CLPX: variants seen among roughly 807,000 people sequenced by gnomAD.
CLPX encodes the protein caseinolytic mitochondrial matrix peptidase chaperone subunit X.
In CLPX, 34 loss-of-function variants were observed where a neutral mutation model predicts 76.4. That is an observed-to-expected ratio of 0.45 (90% CI 0.34 to 0.59). CLPX has a LOEUF of 0.59. Among genes scored for constraint, CLPX ranks in the 20% least tolerant of loss-of-function variants. CLPX has a pLI of 0.01. For missense variants in CLPX, 613 were observed against 757.0 expected, an observed-to-expected ratio of 0.81 and a Z score of 2.23; for synonymous variants, 248 against 270.9, an observed-to-expected ratio of 0.92 and a Z score of 0.83.
intron 3 of CLPX, 103 bp downstream of exon 3, chr15:65,178,831 C>A (rs2088124037): frequency 1.7e-6 from 1 of 589,758 alleles, no homozygotes; most frequent in Admixed American, 2.8e-5. Flanking sequence ...CCGTTTGCAC[C>A]TGGCCTATAT....
intron 6 of CLPX, among the ~76,000 whole-genome samples, chr15:65,160,211 A>C (rs1258471997): frequency 1.3e-5 from 2 of 152,246 alleles, no homozygotes; most frequent in Non-Finnish European, 2.9e-5. Context: ...CATATCTATT[A>C]TCATAGTCCT....
chr15:65,167,845 G>A (rs866564244), intron 3 of CLPX, among the ~76,000 whole-genome samples: 34 of 150,954 alleles, frequency 2.3e-4, no homozygotes, highest in Middle Eastern at 3.4e-3. Context: ...CTGAGATTGC[G>A]CCATTGCACT....
intron 3 of CLPX, among the ~76,000 whole-genome samples, chr15:65,173,898 T>C (rs951062735): frequency 1.3e-5 from 2 of 152,190 alleles, no homozygotes; most frequent in Admixed American, 1.3e-4. Flanking sequence ...GACTAAGGGC[T>C]ATGGAGTTTC....
chr15:65,177,285 T>C (rs1239098848), intron 3 of CLPX, among the ~76,000 whole-genome samples: 1 of 152,114 alleles, frequency 6.6e-6, no homozygotes, highest in Non-Finnish European at 1.5e-5. Context: ...AGCAGGCTGG[T>C]CTCAAGCTCC....
At chr15:65,168,071 G>A (rs1249018276) in intron 3 of CLPX, among the ~76,000 whole-genome samples, 2 of 151,600 alleles carry the variant, frequency 1.3e-5, no homozygotes, top group African/African-American at 4.8e-5. Flanking sequence ...TTTAAAGTGA[G>A]GATAAAAAGA....
intron 13 of CLPX, among the ~76,000 whole-genome samples, chr15:65,151,456 G>GAAAAAAAAAAA (rs529752332): frequency 2.7e-5 from 2 of 74,596 alleles, no homozygotes; most frequent in Non-Finnish European, 4.8e-5. Flanking sequence ...ATTACTGGGA[G>GAAAAAAAAAAA]AAAAAAAAAA....
Position 65,185,241 on chromosome 15 carries a change from G to T in CLPX, c.-88C>A. 1 of 1,139,942 alleles carries T rather than the reference G, an allele frequency of 8.8e-7. No homozygotes were observed. Among genetic ancestry groups the T allele is most frequent in the Non-Finnish European group, 1.3e-6 (1 of 789,480 alleles). 70.6% of individuals were successfully genotyped at this position (1,139,942 alleles called of 1,614,324 possible). Reference sequence around the variant, plus strand: ...CCTGCCCGCAAGGCGCGCTGACTCGGTTCCGAACCCTTTCGCGGGCCCTAG... The same window carrying T: ...CCTGCCCGCAAGGCGCGCTGACTCGTTTCCGAACCCTTTCGCGGGCCCTAG... On this transcript the variant is annotated 5_prime_UTR_variant, in exon 1 of 14. Transcript: ENST00000300107.
At chr15:65,170,815 TG>T (rs1380666753) in intron 3 of CLPX, among the ~76,000 whole-genome samples, 11 of 116,376 alleles carry the variant, frequency 9.5e-5, no homozygotes, top group Non-Finnish European at 1.8e-4. Flanking sequence ...CTTGTGTTTC[TG>T]TTCTTCTTTT....
chr15:65,178,043 C>T (rs569691797), intron 3 of CLPX, among the ~76,000 whole-genome samples: 21 of 152,286 alleles, frequency 1.4e-4, no homozygotes, highest in African/African-American at 4.8e-4. Flanking sequence ...CTCTGCCTAC[C>T]TCAGCCTCTG....
At chr15:65,182,934 G>GGACGGATCACAAGATCAGGAGATC (rs1390478863) in intron 1 of CLPX, among the ~76,000 whole-genome samples, 1 of 151,792 alleles carries the variant, frequency 6.6e-6, no homozygotes. Context: ...AGGCCAAGGC[G>GGACGGATCACAAGATCAGGAGATC]GGTGATCTCC....
intron 6 of CLPX, among the ~76,000 whole-genome samples, chr15:65,159,561 G>A (rs1474607109): frequency 6.6e-6 from 1 of 151,982 alleles, no homozygotes; most frequent in South Asian, 2.1e-4. Flanking sequence ...AGTGAGCCAA[G>A]ATCACGCCAC....
intron 3 of CLPX, among the ~76,000 whole-genome samples, chr15:65,172,476 C>T (rs1377030763): frequency 6.6e-6 from 1 of 151,682 alleles, no homozygotes; most frequent in Non-Finnish European, 1.5e-5. Flanking sequence ...ACTAAAAATA[C>T]AAAAAAATTA....
At chr15:65,151,316 G>GTC (rs2087716630) in intron 13 of CLPX, among the ~76,000 whole-genome samples, 1 of 128,978 alleles carries the variant, frequency 7.8e-6, no homozygotes, top group Non-Finnish European at 1.5e-5. Context: ...CTGCACTCCA[G>GTC]TCTGGGCGAC....
At chr15:65,168,693 C>G (rs936674844) in intron 3 of CLPX, among the ~76,000 whole-genome samples, 9 of 151,462 alleles carry the variant, frequency 5.9e-5, no homozygotes, top group African/African-American at 2.2e-4. Context: ...CACATGTATA[C>G]CTATGTAACA....
intron 13 of CLPX, 126 bp from the exon 14 acceptor site, chr15:65,151,039 C>T (rs2087712452): frequency 1.6e-6 from 1 of 621,190 alleles, no homozygotes; most frequent in Non-Finnish European, 2.8e-6. Flanking sequence ...ATATTAGGAG[C>T]ACTTTTAATA....
chr15:65,178,877 C>G, intron 3 of CLPX, 57 bp downstream of exon 3: 2 of 957,400 alleles, frequency 2.1e-6, no homozygotes, highest in African/African-American at 1.6e-5. Context: ...TTTTTATACA[C>G]TTAGTAATTT....
intron 4 of CLPX, among the ~76,000 whole-genome samples, chr15:65,165,027 G>A (rs2087892050): frequency 1.3e-5 from 2 of 152,094 alleles, no homozygotes; most frequent in Admixed American, 6.6e-5. Context: ...GAAATGAAAT[G>A]GTTGGTGAAT....
At chr15:65,179,465 T>C (rs2140649686) in intron 2 of CLPX, among the ~76,000 whole-genome samples, 1 of 152,342 alleles carries the variant, frequency 6.6e-6, no homozygotes, top group Middle Eastern at 3.4e-3. Flanking sequence ...TTTACTCACA[T>C]CAGAGTCACT....
chr15:65,177,899 C>T (rs539080381), intron 3 of CLPX, among the ~76,000 whole-genome samples: 1 of 152,090 alleles, frequency 6.6e-6, no homozygotes, highest in Admixed American at 6.6e-5. Context: ...CAGGCTCAAG[C>T]GATCCTCCTA....
Sources: gnomAD v4.1 joint callset for allele counts (sites outside exome capture counted in the v4.1 genomes callset) on GRCh38, gnomAD v4.1.1 for gene constraint, MANE v1.5 for transcripts, NCBI Gene and HGNC (gene_info 2026-07-23, HGNC 2026-07-21) for gene names.